Variants in CCDC171 observed in about 807,000 individuals in gnomAD.
CCDC171 encodes coiled-coil domain-containing protein 171.
A neutral mutation model predicts 168.2 loss-of-function variants in CCDC171; 177 were observed. The ratio of observed to expected loss-of-function variants is 1.05; its 90% CI spans 0.93 to 1.19. The LOEUF (loss-of-function observed/expected upper bound fraction) is 1.19. Among genes scored for constraint, CCDC171 ranks in the 50% most tolerant of loss-of-function variants. CCDC171 has a pLI of 0.00. For synonymous variants in CCDC171, 687 were observed against 540.8 expected (o/e 1.27, Z -3.75); for missense variants, 1,991 against 1,539.0 (o/e 1.29, Z -4.91).
intron 18 of CCDC171, among the ~76,000 whole-genome samples, chr9:15,750,819 A>T (rs2055682629): frequency 6.6e-6 from 1 of 152,200 alleles, no homozygotes; most frequent in Non-Finnish European, 1.5e-5. Flanking sequence ...CACAGCCAAT[A>T]TCATACTGAA....
At chr9:15,891,514 G>A (rs1461172438) in intron 24 of CCDC171, among the ~76,000 whole-genome samples, 1 of 152,156 alleles carries the variant, frequency 6.6e-6, no homozygotes, top group Non-Finnish European at 1.5e-5. Flanking sequence ...CACGGGAGGT[G>A]CTGGTTATCA....
At chr9:15,953,437 C>T (rs578195657) in intron 25 of CCDC171, among the ~76,000 whole-genome samples, 1 of 152,228 alleles carries the variant, frequency 6.6e-6, no homozygotes, top group East Asian at 1.9e-4. Context: ...TCGAGATGAT[C>T]ATGTGATTTT....
At chr9:16,098,601 G>A in the CCDC171 span, among the ~76,000 whole-genome samples, 8 of 152,136 alleles carry the variant, frequency 5.3e-5, no homozygotes, top group Non-Finnish European at 1.0e-4. Flanking sequence ...TAATGAAGTC[G>A]ATGAAATGAA....
chr9:15,668,558 T>A lies in CCDC171; in HGVS notation c.1076+2235T>A, dbSNP rs187766498. Among the ~76,000 whole-genome samples, 407 of 152,220 alleles carry A rather than the reference T, an allele frequency of 2.7e-3. 3 individuals carry two copies. The highest frequency in any genetic ancestry group is 9.1e-3 in the African/African-American group (380 of 41,568). On this transcript the variant is annotated intron_variant, in intron 9 of 25. Coordinates refer to ENST00000380701, the MANE Select transcript of CCDC171 (RefSeq NM_173550.4). ...ATATAACTGTCATAATAATACAAGTTAAATAATAATAAATAAATAATGACA... is the reference window on the plus strand; with the variant it reads ...ATATAACTGTCATAATAATACAAGTAAAATAATAATAAATAAATAATGACA...
chr9:16,014,242 C>T (rs920889505), intron 3 of CCDC171, among the ~76,000 whole-genome samples: 5 of 152,352 alleles, frequency 3.3e-5, no homozygotes, highest in South Asian at 2.1e-4. Flanking sequence ...AACCATTCTT[C>T]GCTCATCCAT....
At chr9:16,021,512 AGGG>A (rs1222582326) in intron 4 of CCDC171, among the ~76,000 whole-genome samples, 5 of 152,228 alleles carry the variant, frequency 3.3e-5, no homozygotes, top group Non-Finnish European at 7.3e-5. Context: ...AACTAAAGGC[AGGG>A]ATTTGGGAGC....
rs753789809 is a variant in CCDC171 at position 15,583,408 on chromosome 9, CA to C, written c.352+4402del. ...GTCTGGTGACAGCGAGACTCCATCT[CA>C]AAAAAAAAAAAAAAAAGAAAATGTG... On this transcript the variant is annotated intron_variant, in intron 4 of 25. Coordinates refer to ENST00000380701, the MANE Select transcript of CCDC171 (RefSeq NM_173550.4). 2.4e-3 allele frequency among the ~76,000 whole-genome samples: 228 copies of C among 95,794 alleles called. 1 individual carries two copies. Among genetic ancestry groups the C allele is most frequent in the African/African-American group, 7.1e-3 (161 of 22,572 alleles). The allele number at this position is 95,794 out of a possible 152,430, so 62.8% of individuals were successfully genotyped here. A position where few individuals can be genotyped will look rare whatever the true frequency, so the allele number is the denominator to read the frequency against.
At chr9:16,101,199 C>T in the CCDC171 span, among the ~76,000 whole-genome samples, 1 of 152,238 alleles carries the variant, frequency 6.6e-6, no homozygotes, top group Non-Finnish European at 1.5e-5. Context: ...TGCCTTTCAG[C>T]AGAGCCTGTA....
chr9:15,566,145 G>C (rs1405661435), intron 2 of CCDC171, among the ~76,000 whole-genome samples: 35 of 150,762 alleles, frequency 2.3e-4, no homozygotes, highest in Admixed American at 2.3e-3. Context: ...GGTAATTCAT[G>C]TATCTTCATT....
downstream of CCDC171, among the ~76,000 whole-genome samples, chr9:16,064,465 C>T (rs947187419): frequency 1.1e-4 from 16 of 152,102 alleles, no homozygotes; most frequent in African/African-American, 3.9e-4. Flanking sequence ...TGTGTGCAGA[C>T]AAATGCTGAC....
intron 24 of CCDC171, among the ~76,000 whole-genome samples, chr9:15,877,179 G>GAAACAAAC (rs3082868): frequency 0.012 from 1,801 of 150,062 alleles, 30 homozygotes; most frequent in East Asian, 0.052. Context: ...TTTCTTAGCT[G>GAAACAAAC]AAACAAACAA....
chr9:16,088,472 C>T, the CCDC171 span, among the ~76,000 whole-genome samples: 1 of 152,160 alleles, frequency 6.6e-6, no homozygotes, highest in Non-Finnish European at 1.5e-5. Flanking sequence ...TAGAAAACCC[C>T]ATTGTCTCAG....
intron 18 of CCDC171, among the ~76,000 whole-genome samples, chr9:15,762,838 C>A (rs1022226381): frequency 7.2e-5 from 11 of 152,130 alleles, no homozygotes; most frequent in Admixed American, 3.9e-4. Context: ...TCTTCTCTGT[C>A]CCTTTAGTTT....
chr9:16,098,133 G>A, the CCDC171 span, among the ~76,000 whole-genome samples: 2 of 152,096 alleles, frequency 1.3e-5, no homozygotes, highest in South Asian at 2.1e-4. Context: ...CACGGTTTAA[G>A]TCAGAGTTCG....
At chr9:15,590,762 T>C (rs2041919658) in intron 4 of CCDC171, among the ~76,000 whole-genome samples, 1 of 113,786 alleles carries the variant, frequency 8.8e-6, no homozygotes, top group Non-Finnish European at 1.9e-5. Context: ...TTTTCTTCTT[T>C]CTTTCTTTCT....
intron 6 of CCDC171, among the ~76,000 whole-genome samples, chr9:15,602,001 G>A (rs1451191958): frequency 6.6e-6 from 1 of 152,108 alleles, no homozygotes; most frequent in Non-Finnish European, 1.5e-5. Context: ...TTAAAATTAG[G>A]CATCTGTCTT....
At chr9:16,090,146 A>C in the CCDC171 span, among the ~76,000 whole-genome samples, 1 of 152,226 alleles carries the variant, frequency 6.6e-6, no homozygotes, top group African/African-American at 2.4e-5. Context: ...CATTGTTCAC[A>C]ATAGCAACGA....
chr9:15,617,061 C>A (rs7032684), intron 6 of CCDC171, among the ~76,000 whole-genome samples: 2,050 of 152,274 alleles, frequency 0.013, 43 homozygotes, highest in African/African-American at 0.046. Context: ...CCTCTCTATA[C>A]TGGTTATTCT....
chr9:15,945,463 C>T (rs1390346073), intron 25 of CCDC171, among the ~76,000 whole-genome samples: 2 of 151,312 alleles, frequency 1.3e-5, no homozygotes, highest in African/African-American at 4.8e-5. Flanking sequence ...ACACTGACTT[C>T]CACAATGGTA....
Sources: gnomAD v4.1 joint callset for allele counts (sites outside exome capture counted in the v4.1 genomes callset) on GRCh38, gnomAD v4.1.1 for gene constraint, MANE v1.5 for transcripts, NCBI Gene and HGNC (gene_info 2026-07-23, HGNC 2026-07-21) for gene names.